The following LPA variants were observed in gnomAD, a reference collection of about 807,000 sequenced individuals.
The protein encoded by LPA is apolipoprotein(a).
In LPA, 199 loss-of-function variants were observed where a neutral mutation model predicts 197.9. That is an observed-to-expected ratio of 1.01 (90% CI 0.90 to 1.13). LPA has a LOEUF of 1.13. Among genes scored for constraint, LPA ranks in the 50% most tolerant of loss-of-function variants. The pLI is 0.00. For synonymous variants in LPA, 715 were observed against 639.5 expected (o/e 1.12, Z -1.78); for missense variants, 1,853 against 1,785.8 (o/e 1.04, Z -0.68).
intron 24 of LPA, among the ~76,000 whole-genome samples, chr6:160,588,234 C>T (rs527909985): frequency 6.6e-5 from 10 of 151,884 alleles, no homozygotes; most frequent in Admixed American, 5.2e-4. Context: ...TGTATTTGTC[C>T]CTTGCCTCTA....
At chr6:160,548,791 A>G in intron 30 of LPA, 132 bp from the exon 31 acceptor site, 1 of 882,024 alleles carries the variant, frequency 1.1e-6, no homozygotes. Context: ...GTATCATACA[A>G]TTGCCACAAC....
At chr6:160,555,455 A>ATATGTGTG (rs1287454419) in intron 30 of LPA, among the ~76,000 whole-genome samples, 1 of 133,082 alleles carries the variant, frequency 7.5e-6, no homozygotes, top group African/African-American at 2.8e-5. Flanking sequence ...ATATATATAT[A>ATATGTGTG]TGTGTGTGTA....
intron 30 of LPA, among the ~76,000 whole-genome samples, chr6:160,554,210 T>G (rs1168711143): frequency 2.0e-5 from 3 of 152,208 alleles, no homozygotes; most frequent in African/African-American, 7.2e-5. Context: ...AATTATCATA[T>G]ATACAGTTTT....
chr6:160,587,627 T>C (rs928217384), intron 24 of LPA, among the ~76,000 whole-genome samples: 3 of 152,172 alleles, frequency 2.0e-5, no homozygotes, highest in Non-Finnish European at 1.5e-5. Flanking sequence ...CCATCATCGC[T>C]TCAAGTATAA....
At chr6:160,599,787 G>A in intron 19 of LPA, 128 bp from the exon 20 acceptor site, 5 of 984,656 alleles carry the variant, frequency 5.1e-6, no homozygotes, top group Non-Finnish European at 6.2e-6. Context: ...TTATTAATAG[G>A]CAAATGGACA....
At chr6:160,646,875 CATG>C (rs1779891551) in intron 2 of LPA, among the ~76,000 whole-genome samples, 1 of 151,410 alleles carries the variant, frequency 6.6e-6, no homozygotes. Context: ...TCAGAGAAAA[CATG>C]GCATCAAGGA....
intron 37 of LPA, among the ~76,000 whole-genome samples, chr6:160,537,429 C>A (rs976047098): frequency 6.6e-6 from 1 of 152,146 alleles, no homozygotes; most frequent in African/African-American, 2.4e-5. Context: ...CTGTTTTGCA[C>A]CATGTTTAGA....
At chr6:160,574,344 A>T (rs1341927114) in intron 28 of LPA, among the ~76,000 whole-genome samples, 1 of 152,178 alleles carries the variant, frequency 6.6e-6, no homozygotes, top group Non-Finnish European at 1.5e-5. Flanking sequence ...GCTGTGAAAG[A>T]AAAGGGCTTT....
chr6:160,565,946 G>C (rs1778445569), intron 28 of LPA, among the ~76,000 whole-genome samples: 1 of 152,096 alleles, frequency 6.6e-6, no homozygotes, highest in Non-Finnish European at 1.5e-5. Flanking sequence ...AAGATCAAAT[G>C]AATGAAATGA....
intron 28 of LPA, among the ~76,000 whole-genome samples, chr6:160,573,521 G>GT (rs1287643158): frequency 3.2e-4 from 48 of 152,288 alleles, no homozygotes; most frequent in African/African-American, 1.1e-3. Flanking sequence ...TATTACCAGG[G>GT]TTGGTTTTCT....
intron 1 of LPA, among the ~76,000 whole-genome samples, chr6:160,650,917 A>G (rs551069446): frequency 1.3e-3 from 197 of 152,336 alleles, no homozygotes; most frequent in South Asian, 6.4e-3. Context: ...ACCACTGCTC[A>G]GAAAAGCCAA....
intron 22 of LPA, among the ~76,000 whole-genome samples, chr6:160,593,013 G>A (rs1040948014): frequency 6.6e-6 from 1 of 152,078 alleles, no homozygotes; most frequent in South Asian, 2.1e-4. Flanking sequence ...TTGTGCATAC[G>A]CAGCTTTGTA....
chr6:160,598,634 G>A (rs978364036), intron 20 of LPA, among the ~76,000 whole-genome samples: 3 of 152,120 alleles, frequency 2.0e-5, no homozygotes, highest in Admixed American at 6.5e-5. Context: ...CCATCTACCC[G>A]CCCCTTTTAC....
At chr6:160,596,895 G>T (rs777821594) in intron 20 of LPA, among the ~76,000 whole-genome samples, 7 of 152,138 alleles carry the variant, frequency 4.6e-5, no homozygotes, top group Non-Finnish European at 8.8e-5. Flanking sequence ...TTCTTACTCA[G>T]TTCAAAACTT....
chr6:160,595,695 A>G (rs923979931), intron 20 of LPA, among the ~76,000 whole-genome samples, 160 bp from the exon 21 acceptor site: 1 of 152,212 alleles, frequency 6.6e-6, no homozygotes. Flanking sequence ...CTTCTAAACA[A>G]CTGCGAACAT....
intron 1 of LPA, among the ~76,000 whole-genome samples, chr6:160,654,790 T>G (rs1466348764): frequency 6.6e-6 from 1 of 152,312 alleles, no homozygotes; most frequent in African/African-American, 2.4e-5. Flanking sequence ...AAAGATATTT[T>G]CTTAGCACAA....
chr6:160,601,990 A>T (rs908507040), intron 18 of LPA, among the ~76,000 whole-genome samples: 1 of 151,974 alleles, frequency 6.6e-6, no homozygotes, highest in African/African-American at 2.4e-5. Flanking sequence ...CAGAGCATTC[A>T]CTCCTCCTTA....
intron 17 of LPA, among the ~76,000 whole-genome samples, chr6:160,605,498 C>T (rs1779330315): frequency 6.6e-6 from 1 of 152,120 alleles, no homozygotes; most frequent in South Asian, 2.1e-4. Flanking sequence ...GAGGGCTTCT[C>T]AATGGAAACT....
At chr6:160,558,477 T>C (rs1422730522) in intron 28 of LPA, among the ~76,000 whole-genome samples, 3 of 152,206 alleles carry the variant, frequency 2.0e-5, no homozygotes, top group African/African-American at 7.2e-5. Flanking sequence ...CAAGTGTGTC[T>C]GGCTTTACAA....
Sources: allele counts gnomAD v4.1 joint callset (sites outside exome capture counted in the v4.1 genomes callset), GRCh38; gene constraint gnomAD v4.1.1; transcripts MANE v1.5; gene names NCBI Gene and HGNC (gene_info 2026-07-23, HGNC 2026-07-21).